The following SWAP70 variants were observed in gnomAD, a reference collection of about 807,000 sequenced individuals.
SWAP70 encodes the protein switch-associated protein 70.
A neutral mutation model predicts 80.2 loss-of-function variants in SWAP70; 34 were observed. That is an observed-to-expected ratio of 0.42 (90% CI 0.32 to 0.56). The LOEUF (loss-of-function observed/expected upper bound fraction) is 0.56, where lower values mean the gene tolerates loss of function less well. Among genes scored for constraint, SWAP70 ranks in the 20% least tolerant of loss-of-function variants. SWAP70 has a pLI of 0.09. For missense variants in SWAP70, 578 were observed against 690.7 expected, an observed-to-expected ratio of 0.84 and a Z score of 1.83; for synonymous variants, 239 against 238.5, an observed-to-expected ratio of 1.00 and a Z score of -0.02.
chr11:9,701,649 A>G (rs1850833424), intron 2 of SWAP70, among the ~76,000 whole-genome samples: 1 of 149,010 alleles, frequency 6.7e-6, no homozygotes, highest in Non-Finnish European at 1.5e-5. Context: ...TTAGTAAAGG[A>G]ATGGAATTCT....
At chr11:9,673,871 TTTC>T (rs1170851311) in intron 1 of SWAP70, among the ~76,000 whole-genome samples, 2 of 151,984 alleles carry the variant, frequency 1.3e-5, no homozygotes, top group Non-Finnish European at 2.9e-5. Context: ...AGAGATTTGT[TTTC>T]TTTTTTCATT....
intron 5 of SWAP70, 54 bp downstream of exon 5, chr11:9,728,253 G>A: frequency 6.8e-7 from 1 of 1,475,750 alleles, no homozygotes; most frequent in Non-Finnish European, 9.0e-7. Flanking sequence ...CCCTGATGCT[G>A]AAGTAGCTTC....
intron 1 of SWAP70, among the ~76,000 whole-genome samples, chr11:9,680,327 C>A (rs1850551625): frequency 4.6e-5 from 7 of 152,156 alleles, no homozygotes; most frequent in Admixed American, 4.6e-4. Context: ...CTTGAAAATT[C>A]ATGAGCCTGA....
At chr11:9,699,142 A>C (rs1447862114) in intron 2 of SWAP70, among the ~76,000 whole-genome samples, 4 of 152,156 alleles carry the variant, frequency 2.6e-5, no homozygotes, top group Non-Finnish European at 4.4e-5. Flanking sequence ...AGTAGATTAG[A>C]GGTTTCTTGG....
At chr11:9,706,733 A>ATT (rs1850919902) in intron 2 of SWAP70, among the ~76,000 whole-genome samples, 1 of 152,006 alleles carries the variant, frequency 6.6e-6, no homozygotes, top group Admixed American at 6.6e-5. Context: ...TCTGACTTGC[A>ATT]TTTTTCACTG....
rs1357775230 is a variant in SWAP70, at chr11:9,750,608, A to G, written c.*638A>G. On this transcript the variant is annotated 3_prime_UTR_variant, in exon 12 of 12. Coordinates refer to ENST00000318950, the MANE Select transcript of SWAP70 (RefSeq NM_015055.4). ...GAGGCAGGGTGCAGACAGCACAGTC[A>G]GCTCTGCAGAGTTTGGAGGGGCTCA... The G allele has an allele frequency of 6.6e-6, 1 of 152,308 alleles. No homozygotes were observed. Among genetic ancestry groups the G allele is most frequent in the Non-Finnish European group, 1.5e-5 (1 of 68,082 alleles). 9.4% of individuals were successfully genotyped at this position (152,308 alleles called of 1,614,324 possible).
chr11:9,664,428 G>A (rs1273015255), intron 1 of SWAP70, 150 bp downstream of exon 1: 2 of 840,856 alleles, frequency 2.4e-6, no homozygotes, highest in Non-Finnish European at 3.6e-6. Flanking sequence ...GAGTGGGTCT[G>A]AGACCGGGAT....
At chr11:9,728,235 G>T in intron 5 of SWAP70, 36 bp downstream of exon 5, 4 of 1,537,200 alleles carry the variant, frequency 2.6e-6, no homozygotes, top group South Asian at 2.5e-5. Flanking sequence ...TGATTACCCC[G>T]TGCTGCCCCC....
chr11:9,703,309 T>A, intron 2 of SWAP70: 1 of 454,824 alleles, frequency 2.2e-6, no homozygotes, highest in Non-Finnish European at 4.4e-6. Context: ...TATACCATGT[T>A]TTATTTACAT....
chr11:9,670,557 G>A (rs567205221), intron 1 of SWAP70, among the ~76,000 whole-genome samples: 4 of 151,892 alleles, frequency 2.6e-5, no homozygotes, highest in Non-Finnish European at 4.4e-5. Flanking sequence ...TTGAAGCTTG[G>A]AAAAAGAGGA....
At chr11:9,667,499 C>T (rs962194172) in intron 1 of SWAP70, among the ~76,000 whole-genome samples, 2 of 152,122 alleles carry the variant, frequency 1.3e-5, no homozygotes, top group African/African-American at 4.8e-5. Flanking sequence ...GACATCCGCC[C>T]GCCTTGGCCT....
chr11:9,706,345 A>C (rs1402595412), intron 2 of SWAP70, among the ~76,000 whole-genome samples: 1 of 148,134 alleles, frequency 6.8e-6, no homozygotes, highest in African/African-American at 2.6e-5. Context: ...ATACTTGGTG[A>C]TCTGTATACA....
At position 9,752,078 on chromosome 11, in the gene SWAP70, G is replaced by T. The variant is rs983758765; in HGVS notation, c.*2108G>T. 4 of 152,206 alleles carry T rather than the reference G, an allele frequency of 2.6e-5. No homozygotes were observed. The highest frequency in any genetic ancestry group is 9.7e-5 in the African/African-American group (4 of 41,450). 9.4% of individuals were successfully genotyped at this position (152,206 alleles called of 1,614,324 possible). ...GAATGAGGAAAAAGTATTCTACAAA[G>T]AACCTAATCACCTCTGTGAAATCTA... On this transcript the variant is annotated 3_prime_UTR_variant, in exon 12 of 12. Transcript: ENST00000318950.
intron 1 of SWAP70, chr11:9,681,199 A>G (rs1438303926): frequency 6.6e-6 from 1 of 152,238 alleles, no homozygotes; most frequent in Non-Finnish European, 1.5e-5. Flanking sequence ...GTCCAGTATA[A>G]TTGCAGAAAG....
chr11:9,730,726 A>G (rs1192817293), intron 6 of SWAP70, among the ~76,000 whole-genome samples: 1 of 152,238 alleles, frequency 6.6e-6, no homozygotes, highest in East Asian at 1.9e-4. Context: ...AGAAATCACT[A>G]GTTTTGGGTA....
At position 9,732,552 on chromosome 11, in the gene SWAP70, T is replaced by C. The variant is rs1268109004; in HGVS notation, c.922T>C (p.Leu308=). ...IQAIHSTIHL[L]KLGSPPPHKE... ...AGCCATTCATTCTACTATTCATCTG[T>C]TGAAGCTGGGCAGCCCTCCACCACA... Residue 308 remains leucine, a synonymous_variant, in exon 7 of 12, where the codon TTG becomes CTG. Transcript: ENST00000318950. 1.9e-6 allele frequency: 3 copies of C among 1,607,108 alleles called. No individual in the cohort carries two copies. Among genetic ancestry groups the C allele is most frequent in the Non-Finnish European group, 2.6e-6 (3 of 1,176,146 alleles).
At chr11:9,672,868 A>C (rs1353351615) in intron 1 of SWAP70, among the ~76,000 whole-genome samples, 1 of 152,186 alleles carries the variant, frequency 6.6e-6, no homozygotes, top group African/African-American at 2.4e-5. Context: ...TTGAAGCAAA[A>C]TCTGAAGAAA....
chr11:9,714,879 C>T (rs575045482), intron 3 of SWAP70, among the ~76,000 whole-genome samples: 1 of 145,552 alleles, frequency 6.9e-6, no homozygotes, highest in Admixed American at 7.0e-5. Flanking sequence ...ATGGCGCAAT[C>T]TCGGCTTATT....
At chr11:9,703,626 T>A (rs1850861831) in intron 2 of SWAP70, among the ~76,000 whole-genome samples, 1 of 152,246 alleles carries the variant, frequency 6.6e-6, no homozygotes, top group South Asian at 2.1e-4. Flanking sequence ...TAGCACTTAC[T>A]AGTTGTTGGG....
Sources: allele counts gnomAD v4.1 joint callset (sites outside exome capture counted in the v4.1 genomes callset), GRCh38; gene constraint gnomAD v4.1.1; transcripts MANE v1.5; gene names NCBI Gene and HGNC (gene_info 2026-07-23, HGNC 2026-07-21).